STK10: variants seen among roughly 807,000 people sequenced by gnomAD.
STK10 encodes the protein serine/threonine kinase 10.
A neutral mutation model predicts 113.8 loss-of-function variants in STK10; 78 were observed. That is an observed-to-expected ratio of 0.69 (90% CI 0.57 to 0.83). STK10 has a LOEUF of 0.83. Ranked by LOEUF, STK10 falls within the 40% of genes least tolerant of loss-of-function variation. The pLI, the probability that STK10 is intolerant of heterozygous loss-of-function variation, is 0.00. For missense variants in STK10, 1,109 were observed against 1,280.1 expected (o/e 0.87, Z 2.04); for synonymous variants, 465 against 494.7 (o/e 0.94, Z 0.80).
At chr5:172,124,793 G>A (rs1769585305) in intron 3 of STK10, among the ~76,000 whole-genome samples, 1 of 151,916 alleles carries the variant, frequency 6.6e-6, no homozygotes, top group African/African-American at 2.4e-5. Context: ...TCTTATGAAC[G>A]GTCTCTGTGC....
At chr5:172,177,780 G>T (rs1006333836) in intron 1 of STK10, among the ~76,000 whole-genome samples, 4 of 152,140 alleles carry the variant, frequency 2.6e-5, no homozygotes, top group African/African-American at 9.7e-5. Context: ...CACTCCCTTG[G>T]ACAGCATCAT....
At chr5:172,135,951 C>T (rs995166931) in intron 2 of STK10, among the ~76,000 whole-genome samples, 1 of 150,482 alleles carries the variant, frequency 6.6e-6, no homozygotes, top group African/African-American at 2.5e-5. Flanking sequence ...CGCTTGAACC[C>T]AGGAGGTGGA....
chr5:172,174,056 G>T lies in STK10; in HGVS notation c.156+13831C>A, dbSNP rs13177561. Among the ~76,000 whole-genome samples, 3 of 152,138 alleles carry T rather than the reference G, an allele frequency of 2.0e-5. No individual in the cohort carries two copies. In the East Asian group the frequency reaches 5.8e-4, roughly 29 times the overall value. The stretch of plus-strand genomic sequence containing the variant: ...TCATAACCACAATGCGGCCTCCCGA[G>T]TGTAGCCACGTCATAACCACAATGC... On this transcript the variant is annotated intron_variant, in intron 1 of 18. Coordinates refer to ENST00000176763, the MANE Select transcript of STK10 (RefSeq NM_005990.4).
intron 1 of STK10, among the ~76,000 whole-genome samples, chr5:172,173,643 G>C (rs1488805818): frequency 6.6e-6 from 1 of 152,174 alleles, no homozygotes; most frequent in Non-Finnish European, 1.5e-5. Context: ...CTTCATAACA[G>C]AGAGAGCAAC....
intron 2 of STK10, among the ~76,000 whole-genome samples, chr5:172,135,740 T>A (rs34187747): frequency 0.31 from 46,774 of 152,034 alleles, 8,375 homozygotes; most frequent in African/African-American, 0.5. Flanking sequence ...ACAGACTAAG[T>A]TAAAAACTCA....
intron 2 of STK10, among the ~76,000 whole-genome samples, chr5:172,154,657 C>A (rs1770309528): frequency 6.6e-6 from 1 of 152,118 alleles, no homozygotes; most frequent in African/African-American, 2.4e-5. Context: ...AAAGCACCAG[C>A]CTAAAGTGAC....
intron 2 of STK10, among the ~76,000 whole-genome samples, chr5:172,138,805 G>T (rs1242087608): frequency 1.3e-5 from 2 of 152,080 alleles, no homozygotes; most frequent in South Asian, 2.1e-4. Flanking sequence ...GAGGTCAGGA[G>T]ATCGAGACCA....
At chr5:172,048,916 C>T (rs1205531426) in intron 18 of STK10, among the ~76,000 whole-genome samples, 2 of 152,046 alleles carry the variant, frequency 1.3e-5, no homozygotes, top group Non-Finnish European at 2.9e-5. Context: ...GTTTCACGAG[C>T]AAGGTGTCCG....
At chr5:172,100,946 T>C (rs957563164) in intron 7 of STK10, among the ~76,000 whole-genome samples, 1 of 152,148 alleles carries the variant, frequency 6.6e-6, no homozygotes, top group Non-Finnish European at 1.5e-5. Flanking sequence ...GCACAGACTC[T>C]TGAACCCGAG....
intron 5 of STK10, 79 bp from the exon 6 acceptor site, chr5:172,106,893 A>C: frequency 1.1e-5 from 16 of 1,392,094 alleles, no homozygotes; most frequent in South Asian, 7.0e-5. Flanking sequence ...GTCAAGGGCC[A>C]CCACGAGCCA....
At chr5:172,079,543 A>T (rs1768384284) in intron 12 of STK10, among the ~76,000 whole-genome samples, 1 of 145,982 alleles carries the variant, frequency 6.9e-6, no homozygotes, top group African/African-American at 2.6e-5. Flanking sequence ...TAGAATATAT[A>T]CATATATTTA....
Position 172,087,431 on chromosome 5 carries a change from C to T in STK10, c.1685+2801G>A, listed in dbSNP as rs574353415. Among the ~76,000 whole-genome samples the T allele has an allele frequency of 1.3e-4, 19 of 151,140 alleles. No homozygotes were observed. In the South Asian group the frequency reaches 1.5e-3, roughly 12 times the overall value. On this transcript the variant is annotated intron_variant, in intron 10 of 18. Coordinates refer to ENST00000176763, the MANE Select transcript of STK10 (RefSeq NM_005990.4). ...CTGGGATTACAGACGCCGGCCACCA[C>T]AGCTGGCTAATTTTTGTAGTTTTAG... is the stretch of plus-strand genomic sequence containing the variant.
At chr5:172,118,639 G>A (rs1200696371) in intron 3 of STK10, among the ~76,000 whole-genome samples, 2 of 148,334 alleles carry the variant, frequency 1.3e-5, no homozygotes, top group African/African-American at 5.1e-5. Flanking sequence ...CAGCACTTTG[G>A]GAAGCAGAGG....
At chr5:172,127,495 T>C (rs539461043) in intron 2 of STK10, 74 bp from the exon 3 acceptor site, 39 of 1,538,112 alleles carry the variant, frequency 2.5e-5, no homozygotes, top group South Asian at 1.7e-4. Flanking sequence ...CACAGGCCCA[T>C]TGGGCAGGGT....
intron 1 of STK10, among the ~76,000 whole-genome samples, chr5:172,165,886 CGGATTCAA>C (rs1210019322): frequency 2.0e-5 from 3 of 152,056 alleles, no homozygotes; most frequent in Non-Finnish European, 4.4e-5. Context: ...CTCCACCTCC[CGGATTCAA>C]GTGATTCTCC....
intron 1 of STK10, among the ~76,000 whole-genome samples, chr5:172,172,674 C>G (rs886993703): frequency 6.6e-6 from 1 of 152,202 alleles, no homozygotes; most frequent in African/African-American, 2.4e-5. Context: ...TGAACAGCAT[C>G]CCCAGGTCAG....
chr5:172,085,771 G>A (rs1020782080), intron 10 of STK10, among the ~76,000 whole-genome samples: 1 of 151,958 alleles, frequency 6.6e-6, no homozygotes, highest in African/African-American at 2.4e-5. Context: ...ACTACAGAAA[G>A]AACCTAGGCC....
chr5:172,139,269 A>C (rs1769929849), intron 2 of STK10, among the ~76,000 whole-genome samples: 1 of 152,204 alleles, frequency 6.6e-6, no homozygotes. Context: ...TGAAGGTCGC[A>C]CACTTCCAGA....
At chr5:172,051,811 G>T (rs1447958329) in intron 18 of STK10, among the ~76,000 whole-genome samples, 1 of 152,092 alleles carries the variant, frequency 6.6e-6, no homozygotes, top group African/African-American at 2.4e-5. Flanking sequence ...ATGCGAGTCA[G>T]CCACCAGGAT....
Sources: allele counts gnomAD v4.1 joint callset (sites outside exome capture counted in the v4.1 genomes callset), GRCh38; gene constraint gnomAD v4.1.1; transcripts MANE v1.5; gene names NCBI Gene and HGNC (gene_info 2026-07-23, HGNC 2026-07-21).